The following TTC39C variants were observed in gnomAD, a reference collection of about 807,000 sequenced individuals.
TTC39C encodes tetratricopeptide repeat protein 39C.
TTC39C carries 33 observed loss-of-function variants against 76.3 expected under a neutral mutation model. That is an observed-to-expected ratio of 0.43 (90% confidence interval 0.33 to 0.58). The LOEUF (loss-of-function observed/expected upper bound fraction) is 0.58. Ranked by LOEUF, TTC39C falls within the 20% of genes least tolerant of loss-of-function variation. TTC39C has a pLI of 0.04. For synonymous variants in TTC39C, 254 were observed against 260.6 expected (o/e 0.97, Z 0.24); for missense variants, 595 against 701.4 (o/e 0.85, Z 1.71).
At position 24,083,013 on chromosome 18, in the gene TTC39C, A is replaced by G. The variant is rs1053671527; in HGVS notation, c.916A>G (p.Lys306Glu). The change falls in exon 6 of 14, where the codon AAA (lysine) becomes GAA (glutamate). Residue 306 changes from lysine to glutamate, a missense_variant. By Grantham distance (56) the Lys-to-Glu change is moderately conservative. Transcript: ENST00000317571. ...GGATGAAGCTAAGGAAATTCTCCTT[A>G]AAAAAGAAGCTGCTTATCCAAATTC... ...GLDEAKEILLKKEAAYPNSSL... is the reference protein window; with the variant it reads ...GLDEAKEILLEKEAAYPNSSL... 3.7e-6 allele frequency: 6 copies of G among 1,614,022 alleles called. No individual in the cohort carries two copies. Among genetic ancestry groups the G allele is most frequent in the Non-Finnish European group, 5.1e-6 (6 of 1,179,996 alleles).
intron 7 of TTC39C, among the ~76,000 whole-genome samples, chr18:24,117,262 A>G (rs1448962363): frequency 6.6e-6 from 1 of 152,164 alleles, no homozygotes; most frequent in Non-Finnish European, 1.5e-5. Flanking sequence ...AATCCTTTAC[A>G]TTTTAGTTGC....
At chr18:24,080,489 G>T in intron 4 of TTC39C, 96 bp from the exon 5 acceptor site, 1 of 874,044 alleles carries the variant, frequency 1.1e-6, no homozygotes, top group Non-Finnish European at 1.7e-6. Flanking sequence ...TTACATTTTT[G>T]GCTTGATTTT....
At chr18:24,069,028 GC>G (rs2084204173) in intron 3 of TTC39C, 128 bp from the exon 4 acceptor site, 2 of 682,080 alleles carry the variant, frequency 2.9e-6, no homozygotes, top group Non-Finnish European at 5.0e-6. Flanking sequence ...ATAAATTTGG[GC>G]TTGGCTTTGA....
At chr18:24,054,738 G>A (rs2083995453) in intron 1 of TTC39C, among the ~76,000 whole-genome samples, 1 of 152,106 alleles carries the variant, frequency 6.6e-6, no homozygotes, top group Non-Finnish European at 1.5e-5. Flanking sequence ...TGTTAAATTT[G>A]TGGTAAAATA....
intron 10 of TTC39C, among the ~76,000 whole-genome samples, chr18:24,128,534 C>T (rs1325922935): frequency 2.0e-5 from 3 of 151,994 alleles, no homozygotes; most frequent in Non-Finnish European, 4.4e-5. Context: ...TCATCAGCTC[C>T]ATCATGTTTC....
chr18:24,001,279 C>T (rs1263916453), intron 1 of TTC39C, among the ~76,000 whole-genome samples: 1 of 152,206 alleles, frequency 6.6e-6, no homozygotes, highest in Non-Finnish European at 1.5e-5. Context: ...GGCCCCAGGT[C>T]AACCTGGCTT....
intron 6 of TTC39C, among the ~76,000 whole-genome samples, chr18:24,100,670 A>G (rs2084663239): frequency 6.6e-6 from 1 of 152,252 alleles, no homozygotes; most frequent in Non-Finnish European, 1.5e-5. Flanking sequence ...ACATTGGACT[A>G]GAAGTCTGTG....
intron 1 of TTC39C, among the ~76,000 whole-genome samples, chr18:24,051,843 A>G (rs548193389): frequency 1.3e-5 from 2 of 152,294 alleles, no homozygotes; most frequent in Admixed American, 1.3e-4. Context: ...TGAAATGGGA[A>G]GTATGAATTT....
upstream of TTC39C, among the ~76,000 whole-genome samples, chr18:24,013,554 A>T (rs987914555): frequency 4.6e-5 from 7 of 151,866 alleles, no homozygotes; most frequent in Non-Finnish European, 7.4e-5. Context: ...AAACCTGAGG[A>T]TTGCTTTCAT....
chr18:24,017,724 G>C (rs375717073), intron 1 of TTC39C, among the ~76,000 whole-genome samples: 131 of 152,200 alleles, frequency 8.6e-4, no homozygotes, highest in Middle Eastern at 3.4e-3. Flanking sequence ...CACCCCCCTG[G>C]CTCATTTTAT....
intron 1 of TTC39C, among the ~76,000 whole-genome samples, chr18:24,057,859 A>G (rs2084036439): frequency 6.6e-6 from 1 of 152,222 alleles, no homozygotes; most frequent in Non-Finnish European, 1.5e-5. Flanking sequence ...AGGCACATGC[A>G]TGTGTGTGTT....
intron 11 of TTC39C, 33 bp from the exon 12 acceptor site, chr18:24,130,280 G>T: frequency 7.5e-6 from 9 of 1,195,934 alleles, no homozygotes; most frequent in Non-Finnish European, 1.1e-5. Flanking sequence ...GTAGGAAAAT[G>T]AATTCATCCA....
upstream of TTC39C, among the ~76,000 whole-genome samples, chr18:24,011,134 T>A (rs1321921378): frequency 6.6e-6 from 1 of 152,158 alleles, no homozygotes; most frequent in East Asian, 1.9e-4. Context: ...CGCTCTCACA[T>A]CCATTCCCTA....
intron 1 of TTC39C, among the ~76,000 whole-genome samples, chr18:24,029,775 C>T (rs8095984): frequency 0.94 from 143,776 of 152,254 alleles, 68,279 homozygotes; most frequent in East Asian, 1. Context: ...ATTCCTGAGT[C>T]ACTTCACTTA....
intron 1 of TTC39C, among the ~76,000 whole-genome samples, chr18:24,040,614 C>A (rs2083780803): frequency 6.6e-6 from 1 of 151,838 alleles, no homozygotes; most frequent in Admixed American, 6.6e-5. Flanking sequence ...ATAACAAGGG[C>A]AATAGGAATA....
At chr18:24,085,179 T>G (rs917188526) in intron 6 of TTC39C, among the ~76,000 whole-genome samples, 2 of 152,190 alleles carry the variant, frequency 1.3e-5, no homozygotes, top group African/African-American at 4.8e-5. Context: ...AAGTGTAGAA[T>G]TGAGAGATTT....
At chr18:24,050,679 C>T (rs2083936810) in intron 1 of TTC39C, among the ~76,000 whole-genome samples, 1 of 151,878 alleles carries the variant, frequency 6.6e-6, no homozygotes, top group South Asian at 2.1e-4. Context: ...CGAGACCAGC[C>T]TGACCTACAT....
At chr18:24,050,044 C>T (rs959967776) in intron 1 of TTC39C, among the ~76,000 whole-genome samples, 1 of 152,156 alleles carries the variant, frequency 6.6e-6, no homozygotes, top group Non-Finnish European at 1.5e-5. Context: ...TTCTCCCCTC[C>T]TTCTTCCCAG....
rs1198334554 is a variant in TTC39C, at chr18:24,132,492, T to C, written c.1670T>C (p.Phe557Ser). Residue 557 changes from phenylalanine to serine, a missense_variant, in exon 14 of 14, where the codon TTC (phenylalanine) becomes TCC (serine). Phe to Ser is a radical substitution (Grantham distance 155). Transcript: ENST00000317571. ...RALLLQAKED[F>S]SGYDFENRLH... ...CTTTCTTTGATCTTACAGGAGGATT[T>C]CTCTGGCTACGACTTTGAAAACAGA... 1 of 1,614,004 alleles carries C rather than the reference T, an allele frequency of 6.2e-7. No individual in the cohort carries two copies. Among genetic ancestry groups the C allele is most frequent in the Non-Finnish European group, 8.5e-7 (1 of 1,179,954 alleles).
Sources: allele counts gnomAD v4.1 joint callset (sites outside exome capture counted in the v4.1 genomes callset), GRCh38; gene constraint gnomAD v4.1.1; transcripts MANE v1.5; gene names NCBI Gene and HGNC (gene_info 2026-07-23, HGNC 2026-07-21).